VPS13C: variants seen among roughly 807,000 people sequenced by gnomAD.
VPS13C encodes intermembrane lipid transfer protein VPS13C.
Under a neutral mutation model 456.8 loss-of-function variants are expected in VPS13C, and 358 were observed. The observed-to-expected ratio is 0.78, with a 90% CI of 0.72 to 0.86. The LOEUF (loss-of-function observed/expected upper bound fraction) is 0.86, where lower values mean the gene tolerates loss of function less well. VPS13C is among the 40% of genes least tolerant of loss of function. The probability of loss-of-function intolerance (pLI) is 0.00; values close to 1 mark genes in which losing one functional copy is unlikely to be tolerated. For missense variants in VPS13C, 4,818 were observed against 4,385.4 expected, an observed-to-expected ratio of 1.10 and a Z score of -2.79; for synonymous variants, 1,578 against 1,486.7, an observed-to-expected ratio of 1.06 and a Z score of -1.41.
intron 9 of VPS13C, among the ~76,000 whole-genome samples, chr15:62,016,818 C>T (rs755721585): frequency 1.3e-5 from 2 of 152,084 alleles, no homozygotes; most frequent in Non-Finnish European, 2.9e-5. Flanking sequence ...AATGGTATTT[C>T]TAGTTCTAGA....
chr15:61,861,360 G>A (rs1453385679), intron 82 of VPS13C, among the ~76,000 whole-genome samples: 6 of 151,994 alleles, frequency 3.9e-5, no homozygotes, highest in Non-Finnish European at 8.8e-5. Flanking sequence ...AAATTTTACT[G>A]GAACACAGCT....
chr15:61,946,533 AT>A, intron 43 of VPS13C, 123 bp from the exon 44 acceptor site: 1 of 525,950 alleles, frequency 1.9e-6, no homozygotes, highest in Non-Finnish European at 3.1e-6. Flanking sequence ...TATAAGACAC[AT>A]TAATGGCATC....
chr15:61,998,876 T>C (rs1020946520), intron 16 of VPS13C, among the ~76,000 whole-genome samples: 1 of 152,230 alleles, frequency 6.6e-6, no homozygotes, highest in South Asian at 2.1e-4. Flanking sequence ...AAGACCTTTA[T>C]GGTGATCGAC....
At chr15:62,039,951 G>C (rs1224531584) in intron 3 of VPS13C, among the ~76,000 whole-genome samples, 1 of 152,106 alleles carries the variant, frequency 6.6e-6, no homozygotes, top group Non-Finnish European at 1.5e-5. Flanking sequence ...AGATTTGGAA[G>C]CAACCTAAGT....
Position 61,920,765 on chromosome 15 carries a change from T to C in VPS13C, c.7063-118A>G, listed in dbSNP as rs1451341545. Reference sequence around the variant, plus strand: ...TTATAGTAATGCTTCGCAAAAGTCTTATTTTCAAAAATATACCATGCTTCA... The same window carrying C: ...TTATAGTAATGCTTCGCAAAAGTCTCATTTTCAAAAATATACCATGCTTCA... On this transcript the variant is annotated intron_variant, in intron 55 of 84. Transcript: ENST00000644861. 4.6e-6 allele frequency: 4 copies of C among 871,168 alleles called. No individual in the cohort carries two copies. The Admixed American group carries it at 1.6e-4, about 34-fold the overall frequency. 54.0% of individuals were successfully genotyped at this position (871,168 alleles called of 1,614,324 possible).
rs571074374 is a variant in VPS13C at position 62,041,663 on chromosome 15, C to T, written c.145-297G>A. Among the ~76,000 whole-genome samples, 115 of 151,826 alleles carry T rather than the reference C, an allele frequency of 7.6e-4. 1 individual carries two copies. The highest frequency in any genetic ancestry group is 2.1e-3 in the South Asian group (10 of 4,818). On this transcript the variant is annotated intron_variant, in intron 2 of 84. Transcript: ENST00000644861. ...TGAAATCCAGTCTCTACTAAAAATA[C>T]AAAAAAATTAGCCTGGTGTGGTGGC...
chr15:61,940,568 G>C (rs1023055535), intron 47 of VPS13C, 79 bp downstream of exon 47: 79 of 1,378,112 alleles, frequency 5.7e-5, no homozygotes, highest in Middle Eastern at 2.5e-4. Context: ...CCTACATTCT[G>C]ATATCCACTA....
intron 62 of VPS13C, among the ~76,000 whole-genome samples, chr15:61,912,465 A>G (rs2043329669): frequency 6.6e-6 from 1 of 152,166 alleles, no homozygotes; most frequent in Non-Finnish European, 1.5e-5. Context: ...TAAGGATTCT[A>G]GCATACTGTG....
In VPS13C at chr15:61,945,682, C is replaced by CAGTG. The variant is rs1467319066; in HGVS notation, c.5148+29_5148+32dup. The CAGTG allele has an allele frequency of 1.4e-5, 21 of 1,518,452 alleles. No homozygotes were observed. In the Admixed American group the frequency reaches 4.4e-4, roughly 32 times the overall value. 94.1% of individuals were successfully genotyped at this position (1,518,452 alleles called of 1,614,324 possible). On this transcript the variant is annotated intron_variant, in intron 45 of 84. Transcript: ENST00000644861. The stretch of plus-strand genomic sequence containing the variant: ...TGTATAAGCAAAGATATTTAGGCCT[C>CAGTG]AGTGAGGAATAAATATATTTTTAAA...
In VPS13C at chr15:62,037,151, A is replaced by G. The variant is rs201253043; in HGVS notation, c.188-2099T>C. 1.3e-4 allele frequency among the ~76,000 whole-genome samples: 17 copies of G among 132,986 alleles called. No homozygotes were observed. The East Asian group carries it at 3.5e-3, about 27-fold the overall frequency. 87.2% of individuals were successfully genotyped at this position (132,986 alleles called of 152,430 possible). A position where few individuals can be genotyped will look rare whatever the true frequency, so the allele number is the denominator to read the frequency against. ...TCTGAACCATTAGAAAATCTCCTCC[A>G]TAATGTAAATCTATTATATTGCATA... On this transcript the variant is annotated intron_variant, in intron 3 of 84. Coordinates refer to ENST00000644861, the MANE Select transcript of VPS13C (RefSeq NM_020821.3).
chr15:61,929,892 A>C, intron 50 of VPS13C, 144 bp from the exon 51 acceptor site: 1 of 807,926 alleles, frequency 1.2e-6, no homozygotes, highest in Non-Finnish European at 1.9e-6. Context: ...ACTAGAATCT[A>C]ATTTATCCAT....
At chr15:61,911,054 G>A (rs1010402122) in intron 63 of VPS13C, among the ~76,000 whole-genome samples, 3 of 152,098 alleles carry the variant, frequency 2.0e-5, no homozygotes, top group African/African-American at 4.8e-5. Flanking sequence ...CCTTCCTTTT[G>A]AGTCTTTTGC....
chr15:61,885,845 C>A (rs925793395), intron 67 of VPS13C, among the ~76,000 whole-genome samples: 1 of 152,096 alleles, frequency 6.6e-6, no homozygotes, highest in African/African-American at 2.4e-5. Context: ...TTGTCCTAGG[C>A]AAACTATTTA....
At position 61,962,470 on chromosome 15, in the gene VPS13C, C is replaced by A; in HGVS notation, c.3504G>T (p.Gly1168=). ...CTTTGGACATGTCAGTATACAAATCCCCCTCAGTAGCATCTGGATACAAAT... is the reference window on the plus strand; with the variant it reads ...CTTTGGACATGTCAGTATACAAATCACCCTCAGTAGCATCTGGATACAAAT... ...NLDLYPDATE[G]DLYTDMSKVD... is the part of the protein sequence containing the mutation. Residue 1168 remains glycine, a synonymous_variant, in exon 34 of 85, where the codon GGG becomes GGT. Transcript: ENST00000644861. 1.2e-6 allele frequency: 2 copies of A among 1,611,848 alleles called. No homozygotes were observed. Among genetic ancestry groups the A allele is most frequent in the Non-Finnish European group, 1.7e-6 (2 of 1,178,698 alleles).
intron 47 of VPS13C, 121 bp downstream of exon 47, chr15:61,940,526 A>G: frequency 1.1e-6 from 1 of 927,592 alleles, no homozygotes; most frequent in South Asian, 3.4e-5. Context: ...CTAAGAGAAA[A>G]CTGGTTTAGC....
chr15:61,861,010 G>A (rs142914686), intron 82 of VPS13C, among the ~76,000 whole-genome samples: 117 of 133,144 alleles, frequency 8.8e-4, no homozygotes, highest in African/African-American at 3.1e-3. Flanking sequence ...TGCCCAAGCT[G>A]GAGTGCAGTG....
chr15:61,890,330 T>C lies in VPS13C; in HGVS notation c.9176A>G (p.Gln3059Arg), dbSNP rs753882646. The change falls in exon 67 of 85, where the codon CAG (glutamine) becomes CGG (arginine). Residue 3059 changes from glutamine (Q) to arginine (R), a missense_variant. By Grantham distance (43) the Gln-to-Arg change is conservative. Transcript: ENST00000644861. ...ATCATCGGTGAAAAGCAAAACTCTC[T>C]GGCGCCCATCCAGAAATGATACCCA... ...IHWVSFLDGR[Q>R]RVLLFTDDVA... is the part of the protein sequence containing the mutation. The C allele has an allele frequency of 4.3e-6, 7 of 1,614,110 alleles. No homozygotes were observed. The highest frequency in any genetic ancestry group is 5.1e-6 in the Non-Finnish European group (6 of 1,180,018).
chr15:61,927,745 G>A lies in VPS13C; in HGVS notation c.6287-425C>T, dbSNP rs1032742423. Among the ~76,000 whole-genome samples the A allele has an allele frequency of 7.9e-5, 12 of 152,246 alleles. No homozygotes were observed. In the South Asian group the frequency reaches 8.3e-4, roughly 11 times the overall value. ...TGCTGCTATAAAGACACATGCACACGTATGTTTATTGCGGCACTATTCACA... is the reference window on the plus strand; with the variant it reads ...TGCTGCTATAAAGACACATGCACACATATGTTTATTGCGGCACTATTCACA... On this transcript the variant is annotated intron_variant, in intron 51 of 84. Coordinates refer to ENST00000644861, the MANE Select transcript of VPS13C (RefSeq NM_020821.3).
At chr15:61,869,729 T>C in intron 79 of VPS13C, 106 bp from the exon 80 acceptor site, 2 of 1,520,902 alleles carry the variant, frequency 1.3e-6, no homozygotes, top group Admixed American at 4.4e-5. Flanking sequence ...CCCAGGAAGT[T>C]ACAAAAATTT....
Sources: gnomAD v4.1 joint callset for allele counts (sites outside exome capture counted in the v4.1 genomes callset) on GRCh38, gnomAD v4.1.1 for gene constraint, MANE v1.5 for transcripts, NCBI Gene and HGNC (gene_info 2026-07-23, HGNC 2026-07-21) for gene names.